Variants in PTPRN observed in about 807,000 individuals in gnomAD.
The protein encoded by PTPRN is receptor-type tyrosine-protein phosphatase-like N.
A neutral mutation model predicts 108.5 loss-of-function variants in PTPRN; 70 were observed. The ratio of observed to expected loss-of-function variants is 0.65; its 90% CI spans 0.53 to 0.79. The LOEUF (loss-of-function observed/expected upper bound fraction) is 0.79, where lower values mean the gene tolerates loss of function less well. PTPRN is among the 30% of genes least tolerant of loss of function. The probability of loss-of-function intolerance (pLI) is 0.00; values close to 1 mark genes in which losing one functional copy is unlikely to be tolerated. For missense variants in PTPRN, 1,136 were observed against 1,295.5 expected (o/e 0.88, Z 1.89); for synonymous variants, 496 against 524.6 (o/e 0.95, Z 0.75).
In PTPRN at chr2:219,296,527, G is replaced by C. The variant is rs1378009914; in HGVS notation, c.2311-11C>G. On this transcript the variant is annotated splice_polypyrimidine_tract_variant and intron_variant, in intron 16 of 22. Transcript: ENST00000295718. The surrounding 1 kb of genome is among the most constrained non-coding windows in gnomAD (Gnocchi z 6.0). ...AGGGTCATGCTCAATCTGGAGGCAG[G>C]GAAGATACACCATGAGCCAGTGTGG... 1 of 1,613,868 alleles carries C rather than the reference G, an allele frequency of 6.2e-7. No homozygotes were observed. Among genetic ancestry groups the C allele is most frequent in the Non-Finnish European group, 8.5e-7 (1 of 1,179,938 alleles).
chr2:219,291,832 G>T, intron 19 of PTPRN: 1 of 462,552 alleles, frequency 2.2e-6, no homozygotes, highest in Non-Finnish European at 4.0e-6. Context: ...CCTCCTTAGG[G>T]TTCTTACAAT....
intron 1 of PTPRN, chr2:219,309,013 C>G (rs1952556690): frequency 6.5e-7 from 1 of 1,532,490 alleles, no homozygotes; most frequent in African/African-American, 1.4e-5. Context: ...CTCTTAGGTC[C>G]CGCCCCCGTA....
chr2:219,294,879 T>G, intron 19 of PTPRN, 96 bp downstream of exon 19: 1 of 1,277,496 alleles, frequency 7.8e-7, no homozygotes, highest in Non-Finnish European at 1.0e-6. Context: ...AGGCCGAGGC[T>G]CCAGGCCCGA....
Position 219,299,115 on chromosome 2 carries a change from C to A in PTPRN, c.1604-4G>T, listed in dbSNP as rs1220501719. ...TCCAGTTCAGACTTCACCAGCCCTG[C>A]AGGGAGGACAAAGGTCAGGCTTGCT... On this transcript the variant is annotated splice_region_variant and splice_polypyrimidine_tract_variant and intron_variant, in intron 11 of 22. Coordinates refer to ENST00000295718, the MANE Select transcript of PTPRN (RefSeq NM_002846.4). The A allele has an allele frequency of 6.2e-7, 1 of 1,614,128 alleles. No homozygotes were observed. The highest frequency in any genetic ancestry group is 2.2e-5 in the East Asian group (1 of 44,900).
At chr2:219,303,696 G>A in intron 4 of PTPRN, 39 bp downstream of exon 4, 1 of 1,557,544 alleles carries the variant, frequency 6.4e-7, no homozygotes, top group Non-Finnish European at 8.9e-7. Flanking sequence ...AGATTCATCA[G>A]CCTCACCATT....
chr2:219,291,387 G>A (rs1952050573), intron 20 of PTPRN, 83 bp downstream of exon 20: 3 of 1,465,124 alleles, frequency 2.0e-6, no homozygotes, highest in Admixed American at 1.7e-5. Flanking sequence ...CAGTTTGCTA[G>A]CACCAAGGGG....
Position 219,301,584 on chromosome 2 carries a change from T to C in PTPRN, c.1126+4A>G. ...TTGGTCCCTCCCTCTGCCTGGACAC[T>C]TACCCGGATTTCTTCCTGCACCCTT... On this transcript the variant is annotated splice_donor_region_variant and intron_variant, in intron 7 of 22. Transcript: ENST00000295718. 1 of 1,604,932 alleles carries C rather than the reference T, an allele frequency of 6.2e-7. No individual in the cohort carries two copies. Among genetic ancestry groups the C allele is most frequent in the Non-Finnish European group, 8.5e-7 (1 of 1,172,444 alleles).
chr2:219,299,899 G>A (rs905915257), intron 9 of PTPRN, 86 bp downstream of exon 9: 70 of 1,579,996 alleles, frequency 4.4e-5, no homozygotes, highest in Admixed American at 4.2e-4. Context: ...GTCCCTGCAC[G>A]TCTGGATTTC....
In PTPRN at chr2:219,297,111, G is replaced by A. The variant is rs754503504; in HGVS notation, c.2110C>T (p.Arg704Trp). 12 of 1,613,902 alleles carry A rather than the reference G, an allele frequency of 7.4e-6. No individual in the cohort carries two copies. The highest frequency in any genetic ancestry group is 3.3e-5 in the Admixed American group (2 of 60,000). ...TCCTTGGCAAGGCGGTCCCGGTTCC[G>A]CAGGTGATCCTCCATGTATGCCTGT... The part of the protein sequence containing the change: ...MILAYMEDHL[R>W]NRDRLAKEWQ... Residue 704 changes from arginine to tryptophan, a missense_variant, in exon 15 of 23, where the codon CGG becomes TGG. By Grantham distance (101) the Arg-to-Trp change is moderately radical. Transcript: ENST00000295718. This position sits in a 1 kb window ranked among gnomAD's most constrained non-coding sequence, Gnocchi z 6.0.
Position 219,300,240 on chromosome 2 carries a change from T to C in PTPRN, c.1181A>G (p.Glu394Gly). ...TGGAAGCTCTGCTGTGTCTCTGCCCTCCACCGGCCCCTCCATTGTCTGTTC... is the reference window on the plus strand; with the variant it reads ...TGGAAGCTCTGCTGTGTCTCTGCCCCCCACCGGCCCCTCCATTGTCTGTTC... ...DIKKTMEGPVEGRDTAELPAR... is the reference protein window; with the variant it reads ...DIKKTMEGPVGGRDTAELPAR... Residue 394 changes from glutamate to glycine, a missense_variant, in exon 9 of 23, where the codon GAG becomes GGG. Glu to Gly is a moderately conservative substitution (Grantham distance 98). Transcript: ENST00000295718. The C allele has an allele frequency of 6.3e-7, 1 of 1,576,888 alleles. No homozygotes were observed. Among genetic ancestry groups the C allele is most frequent in the South Asian group, 1.2e-5 (1 of 84,398 alleles).
chr2:219,297,345 G>C lies in PTPRN; in HGVS notation c.1976C>G (p.Ser659Cys), dbSNP rs1489590523. 6.2e-7 allele frequency: 1 copy of C among 1,613,956 alleles called. No individual in the cohort carries two copies. The highest frequency in any genetic ancestry group is 1.3e-5 in the African/African-American group (1 of 74,944). Residue 659 changes from serine to cysteine, a missense_variant, in exon 14 of 23, where the codon TCC becomes TGC. By Grantham distance (112) the Ser-to-Cys change is moderately radical. Coordinates refer to ENST00000295718, the MANE Select transcript of PTPRN (RefSeq NM_002846.4). The surrounding 1 kb of genome is among the most constrained non-coding windows in gnomAD (Gnocchi z 6.0). Reference sequence around the variant, plus strand: ...GGCCTGGGCTGCGTCGCTGAACTGGGAGGACACACTGCTCACCCGTGAAGG... The same window carrying C: ...GGCCTGGGCTGCGTCGCTGAACTGGCAGGACACACTGCTCACCCGTGAAGG... ...PEPSRVSSVS[S>C]QFSDAAQASP...
At position 219,295,114 on chromosome 2, in the gene PTPRN, A is replaced by C; in HGVS notation, c.2536T>G (p.Cys846Gly). 1.2e-6 allele frequency: 2 copies of C among 1,612,590 alleles called. No individual in the cohort carries two copies. The highest frequency in any genetic ancestry group is 1.7e-6 in the Non-Finnish European group (2 of 1,179,254). The change falls in exon 19 of 23, where the codon TGC becomes GGC. Residue 846 changes from cysteine (C) to glycine (G), a missense_variant. By Grantham distance (159) the Cys-to-Gly change is radical. Transcript: ENST00000295718. ...AAGCTCCGCACCAGAAAGTCCTCGC[A>C]CCAGATGTGCTCCGACACCAGGTTC... ...EVNLVSEHIW[C>G]EDFLVRSFYL... is the part of the protein sequence containing the mutation.
rs1410115101 is a variant in PTPRN at position 219,290,736 on chromosome 2, C to T, written c.2794+90G>A. On this transcript the variant is annotated intron_variant, in intron 21 of 22. Transcript: ENST00000295718. This position sits in a 1 kb window ranked among gnomAD's most constrained non-coding sequence, Gnocchi z 4.2. ...CTGGGCAGAGCCTGGAGGTTGACAA[C>T]CTGCTCCTTCTGAGCTCCCAGGACC... The T allele has an allele frequency of 6.6e-7, 1 of 1,522,526 alleles. No homozygotes were observed. Among genetic ancestry groups the T allele is most frequent in the Non-Finnish European group, 9.1e-7 (1 of 1,099,566 alleles). The allele number at this position is 1,522,526 out of a possible 1,614,324, so 94.3% of individuals were successfully genotyped here.
Position 219,297,618 on chromosome 2 carries a change from G to A in PTPRN, c.1888-185C>T, listed in dbSNP as rs868792746. On this transcript the variant is annotated intron_variant, in intron 13 of 22. Coordinates refer to ENST00000295718, the MANE Select transcript of PTPRN (RefSeq NM_002846.4). The surrounding 1 kb of genome is among the most constrained non-coding windows in gnomAD (Gnocchi z 6.0). ...GCTGTTTTGCTTGGGTGGTGCTTAT[G>A]TCAACCTCAGACATGACAGAGTGGA... Among the ~76,000 whole-genome samples the A allele has an allele frequency of 2.6e-5, 4 of 152,138 alleles. No homozygotes were observed. Among genetic ancestry groups the A allele is most frequent in the Middle Eastern group, 3.2e-3 (1 of 316 alleles).
intron 12 of PTPRN, 29 bp downstream of exon 12, chr2:219,299,018 C>T (rs757353915): frequency 1.2e-6 from 2 of 1,613,220 alleles, no homozygotes; most frequent in Admixed American, 1.7e-5. Flanking sequence ...CCTCTGGGGA[C>T]TTGGACTGAT....
rs1389289446 is a variant in PTPRN at position 219,296,094 on chromosome 2, A to G, written c.2508+132T>C. The G allele has an allele frequency of 1.5e-6, 2 of 1,292,296 alleles. No individual in the cohort carries two copies. The highest frequency in any genetic ancestry group is 2.2e-6 in the Non-Finnish European group (2 of 917,730). The allele number at this position is 1,292,296 out of a possible 1,614,324, so 80.1% of individuals were successfully genotyped here. A position where few individuals can be genotyped will look rare whatever the true frequency, so the allele number is the denominator to read the frequency against. ...TTTATATATATTCATATATGTATGA[A>G]TCATGAGCAGGGCCAATAAAAGCCT... On this transcript the variant is annotated intron_variant, in intron 18 of 22. Transcript: ENST00000295718. This position sits in a 1 kb window ranked among gnomAD's most constrained non-coding sequence, Gnocchi z 6.0.
chr2:219,297,102 C>T lies in PTPRN; in HGVS notation c.2119G>A (p.Asp707Asn). ...AYMEDHLRNR[D>N]RLAKEWQALC... The stretch of plus-strand genomic sequence containing the variant: ...GCCTGCCACTCCTTGGCAAGGCGGT[C>T]CCGGTTCCGCAGGTGATCCTCCATG... The change falls in exon 15 of 23, where the codon GAC becomes AAC. Residue 707 changes from aspartate (D) to asparagine (N), a missense_variant. Asp to Asn is a conservative substitution (Grantham distance 23). Transcript: ENST00000295718. The surrounding 1 kb of genome is among the most constrained non-coding windows in gnomAD (Gnocchi z 6.0). The T allele has an allele frequency of 6.2e-7, 1 of 1,614,126 alleles. No homozygotes were observed. Among genetic ancestry groups the T allele is most frequent in the Non-Finnish European group, 8.5e-7 (1 of 1,180,028 alleles).
chr2:219,302,718 C>T lies in PTPRN; in HGVS notation c.497G>A (p.Gly166Glu). 6.2e-7 allele frequency: 1 copy of T among 1,613,350 alleles called. No individual in the cohort carries two copies. The highest frequency in any genetic ancestry group is 8.5e-7 in the Non-Finnish European group (1 of 1,179,842). Residue 166 changes from glycine (G) to glutamate (E), a missense_variant, in exon 5 of 23, where the codon GGA becomes GAA. Gly to Glu is a moderately conservative substitution (Grantham distance 98). Transcript: ENST00000295718. ...RLPQPPVGKGGAGASSSLSPL... is the reference protein window; with the variant it reads ...RLPQPPVGKGEAGASSSLSPL... ...GGACAGAGAGGAGCTGGCCCCAGCTCCACCTTTGCCCACTGGTGGTTGTGG... is the reference window on the plus strand; with the variant it reads ...GGACAGAGAGGAGCTGGCCCCAGCTTCACCTTTGCCCACTGGTGGTTGTGG...
chr2:219,302,176 C>A lies in PTPRN; in HGVS notation c.955G>T (p.Asp319Tyr), dbSNP rs1160102172. ...PEGYEKEGLG[D>Y]RGEKPASPAV... ...GGGGAAGCAGGCTTCTCTCCACGATCCCCTAGTCCTTCCTTCTCATAGCCC... is the reference window on the plus strand; with the variant it reads ...GGGGAAGCAGGCTTCTCTCCACGATACCCTAGTCCTTCCTTCTCATAGCCC... Residue 319 changes from aspartate to tyrosine, a missense_variant, in exon 6 of 23, where the codon GAT becomes TAT. Transcript: ENST00000295718. The A allele has an allele frequency of 1.9e-6, 3 of 1,604,960 alleles. No individual in the cohort carries two copies. Among genetic ancestry groups the A allele is most frequent in the African/African-American group, 1.3e-5 (1 of 74,728 alleles).
Sources: gnomAD v4.1 joint callset for allele counts (sites outside exome capture counted in the v4.1 genomes callset) on GRCh38, gnomAD v4.1.1 for gene constraint, Gnocchi (gnomAD v3.1) non-coding constraint, MANE v1.5 for transcripts, NCBI Gene and HGNC (gene_info 2026-07-23, HGNC 2026-07-21) for gene names.